The following WDFY2 variants were observed in gnomAD, a reference collection of about 807,000 sequenced individuals.
The protein encoded by WDFY2 is WD repeat and FYVE domain-containing protein 2.
A neutral mutation model predicts 56.4 loss-of-function variants in WDFY2; 36 were observed. That is an observed-to-expected ratio of 0.64 (90% CI 0.49 to 0.84). The LOEUF is 0.84. WDFY2 is among the 40% of genes least tolerant of loss of function. WDFY2 has a pLI of 0.00. For synonymous variants in WDFY2, 176 were observed against 183.7 expected, an observed-to-expected ratio of 0.96 and a Z score of 0.34; for missense variants, 444 against 512.2, an observed-to-expected ratio of 0.87 and a Z score of 1.29.
intron 1 of WDFY2, among the ~76,000 whole-genome samples, chr13:51,653,456 C>G (rs1425252913): frequency 1.3e-5 from 2 of 152,204 alleles, no homozygotes; most frequent in Non-Finnish European, 2.9e-5. Context: ...GAGCTGCGTT[C>G]CTTTGGAGGA....
chr13:51,654,544 C>G (rs911658090), intron 1 of WDFY2, among the ~76,000 whole-genome samples: 1 of 152,130 alleles, frequency 6.6e-6, no homozygotes, highest in African/African-American at 2.4e-5. Context: ...CATCTTGGCT[C>G]CACCCAGACT....
chr13:51,628,543 C>T (rs1330385948), intron 1 of WDFY2, among the ~76,000 whole-genome samples: 4 of 152,156 alleles, frequency 2.6e-5, no homozygotes, highest in Admixed American at 1.3e-4. Context: ...CCCACCAACT[C>T]GGTAGGGGGC....
intron 2 of WDFY2, among the ~76,000 whole-genome samples, chr13:51,668,793 A>G (rs1955757767): frequency 6.6e-6 from 1 of 152,220 alleles, no homozygotes; most frequent in African/African-American, 2.4e-5. Context: ...GTCTCCTGCC[A>G]AATAATGCCC....
At chr13:51,615,723 T>G (rs1224990582) in intron 1 of WDFY2, among the ~76,000 whole-genome samples, 1 of 152,252 alleles carries the variant, frequency 6.6e-6, no homozygotes, top group Non-Finnish European at 1.5e-5. Flanking sequence ...AGTAACGACT[T>G]TGCAAAGTAA....
chr13:51,672,059 C>T (rs936221264), intron 2 of WDFY2, among the ~76,000 whole-genome samples: 1 of 152,174 alleles, frequency 6.6e-6, no homozygotes, highest in African/African-American at 2.4e-5. Context: ...GCTGGGATTA[C>T]AGGCGTGAGC....
intron 3 of WDFY2, among the ~76,000 whole-genome samples, chr13:51,688,133 G>T (rs1275387296): frequency 6.6e-6 from 1 of 152,208 alleles, no homozygotes; most frequent in East Asian, 1.9e-4. Flanking sequence ...TGTTCAGTCA[G>T]TACACAGTTG....
intron 1 of WDFY2, among the ~76,000 whole-genome samples, chr13:51,614,348 T>C (rs1382870332): frequency 6.6e-6 from 1 of 152,230 alleles, no homozygotes; most frequent in Non-Finnish European, 1.5e-5. Flanking sequence ...ATAGTTTAGA[T>C]TCTAGATTTT....
chr13:51,636,360 T>A (rs1955051162), intron 1 of WDFY2, among the ~76,000 whole-genome samples: 1 of 152,216 alleles, frequency 6.6e-6, no homozygotes, highest in Non-Finnish European at 1.5e-5. Flanking sequence ...AAAACAGGCC[T>A]ATAGGCTATG....
intron 1 of WDFY2, among the ~76,000 whole-genome samples, chr13:51,652,789 G>C (rs1238499202): frequency 6.6e-6 from 1 of 152,130 alleles, no homozygotes; most frequent in Non-Finnish European, 1.5e-5. Flanking sequence ...TAGTCTGATG[G>C]GCTTCCCTTT....
chr13:51,711,660 CATTT>C (rs1407211828), intron 4 of WDFY2, among the ~76,000 whole-genome samples: 6 of 152,182 alleles, frequency 3.9e-5, no homozygotes, highest in Admixed American at 2.0e-4. Flanking sequence ...CAAAAGAAGA[CATTT>C]ATGCAGCCAA....
At chr13:51,693,643 A>C (rs1673658961) in intron 3 of WDFY2, among the ~76,000 whole-genome samples, 1 of 151,812 alleles carries the variant, frequency 6.6e-6, no homozygotes, top group African/African-American at 2.4e-5. Flanking sequence ...GTGGTGCTGA[A>C]AAAAATGTAT....
At chr13:51,614,942 G>A (rs767536317) in intron 1 of WDFY2, among the ~76,000 whole-genome samples, 4 of 152,204 alleles carry the variant, frequency 2.6e-5, no homozygotes, top group Non-Finnish European at 5.9e-5. Flanking sequence ...CACTCTGAGA[G>A]ATCATATACA....
chr13:51,663,037 C>G (rs568257743), intron 2 of WDFY2, among the ~76,000 whole-genome samples: 2 of 152,250 alleles, frequency 1.3e-5, no homozygotes, highest in South Asian at 4.1e-4. Context: ...TAGATCATGT[C>G]TGTAATCCCA....
chr13:51,669,239 T>G (rs922076107), intron 2 of WDFY2, among the ~76,000 whole-genome samples: 2 of 152,218 alleles, frequency 1.3e-5, no homozygotes, highest in Admixed American at 1.3e-4. Flanking sequence ...TGTTTTGATT[T>G]TCACTGAATT....
At chr13:51,620,649 G>A (rs1310654673) in intron 1 of WDFY2, among the ~76,000 whole-genome samples, 1 of 152,070 alleles carries the variant, frequency 6.6e-6, no homozygotes, top group African/African-American at 2.4e-5. Flanking sequence ...GTAAACAAAA[G>A]TCAGGGCCAC....
chr13:51,726,592 G>A (rs1007522532), intron 5 of WDFY2, among the ~76,000 whole-genome samples: 2 of 152,170 alleles, frequency 1.3e-5, no homozygotes, highest in Non-Finnish European at 2.9e-5. Flanking sequence ...AGGAAAGCAG[G>A]TATTCAGTGT....
chr13:51,653,241 G>C (rs1445678155), intron 1 of WDFY2, among the ~76,000 whole-genome samples: 1 of 152,122 alleles, frequency 6.6e-6, no homozygotes, highest in African/African-American at 2.4e-5. Flanking sequence ...CTCGTGCCGT[G>C]GTTTTCAGCT....
chr13:51,749,969 C>T (rs887769053), intron 7 of WDFY2, among the ~76,000 whole-genome samples: 2 of 152,120 alleles, frequency 1.3e-5, no homozygotes, highest in Non-Finnish European at 2.9e-5. Flanking sequence ...ACTTGACCAG[C>T]TATCCTGAAT....
chr13:51,748,062 G>C (rs1953143712), intron 7 of WDFY2, among the ~76,000 whole-genome samples: 1 of 151,996 alleles, frequency 6.6e-6, no homozygotes, highest in Admixed American at 6.6e-5. Flanking sequence ...GTGTTCCCTT[G>C]CCCTGGGAAA....
Sources: allele counts gnomAD v4.1 joint callset (sites outside exome capture counted in the v4.1 genomes callset), GRCh38; gene constraint gnomAD v4.1.1; transcripts MANE v1.5; gene names NCBI Gene and HGNC (gene_info 2026-07-23, HGNC 2026-07-21).